ATP13A4: variants seen among roughly 807,000 people sequenced by gnomAD.
ATP13A4 encodes the protein ATPase 13A4.
Under a neutral mutation model 142.5 loss-of-function variants are expected in ATP13A4, and 114 were observed. The observed-to-expected ratio is 0.80, with a 90% confidence interval of 0.69 to 0.93. The LOEUF (loss-of-function observed/expected upper bound fraction) is 0.93, where lower values mean the gene tolerates loss of function less well. Among genes scored for constraint, ATP13A4 ranks in the 40% least tolerant of loss-of-function variants. The pLI is 0.00. For synonymous variants in ATP13A4, 488 were observed against 514.8 expected (o/e 0.95, Z 0.70); for missense variants, 1,392 against 1,454.0 (o/e 0.96, Z 0.69).
chr3:193,488,212 C>T (rs2108662236), intron 7 of ATP13A4, among the ~76,000 whole-genome samples: 1 of 152,174 alleles, frequency 6.6e-6, no homozygotes, highest in African/African-American at 2.4e-5. Context: ...TGCAGTGAGC[C>T]AAGATCACAC....
At chr3:193,486,662 T>C (rs1719640460) in intron 7 of ATP13A4, among the ~76,000 whole-genome samples, 1 of 152,118 alleles carries the variant, frequency 6.6e-6, no homozygotes, top group South Asian at 2.1e-4. Context: ...GATATTAAGG[T>C]GGGGATATCA....
intron 1 of ATP13A4, among the ~76,000 whole-genome samples, chr3:193,588,242 C>G (rs1337388114): frequency 1.3e-5 from 2 of 152,188 alleles, no homozygotes; most frequent in Non-Finnish European, 2.9e-5. Flanking sequence ...AAAGCTTCAC[C>G]TTTATAAAGA....
At chr3:193,407,128 A>T (rs1435824892) in intron 29 of ATP13A4, among the ~76,000 whole-genome samples, 185 bp downstream of exon 29, 2 of 152,172 alleles carry the variant, frequency 1.3e-5, no homozygotes, top group Non-Finnish European at 2.9e-5. Context: ...GACAGATGAG[A>T]AAACTAACGT....
At chr3:193,496,489 T>G (rs1428413787) in intron 3 of ATP13A4, among the ~76,000 whole-genome samples, 2 of 152,136 alleles carry the variant, frequency 1.3e-5, no homozygotes, top group Admixed American at 1.3e-4. Context: ...GTCTCCTTAA[T>G]AAACAATGCT....
intron 9 of ATP13A4, among the ~76,000 whole-genome samples, chr3:193,470,435 G>A (rs1718549848): frequency 6.6e-6 from 1 of 152,184 alleles, no homozygotes; most frequent in African/African-American, 2.4e-5. Flanking sequence ...GAATTTGGAT[G>A]ACCCCTGTGG....
intron 2 of ATP13A4, among the ~76,000 whole-genome samples, chr3:193,511,779 A>G (rs1358402554): frequency 1.3e-5 from 2 of 151,754 alleles, no homozygotes; most frequent in Non-Finnish European, 2.9e-5. Context: ...TCATTCTCAC[A>G]CTGCCCCATT....
Position 193,569,525 on chromosome 3 carries a change from G to A in ATP13A4, n.291+12182C>T, listed in dbSNP as rs924116638. Among the ~76,000 whole-genome samples the A allele has an allele frequency of 3.3e-5, 5 of 150,706 alleles. 1 individual carries two copies. Among genetic ancestry groups the A allele is most frequent in the Admixed American group, 3.3e-4 (5 of 15,162 alleles). The stretch of plus-strand genomic sequence containing the variant: ...GTTTTTGTTTTGGTTTGGTTTTTTT[G>A]TTGTTGTTTTTGTTTTTGTTTTTTG... On this transcript the variant is annotated intron_variant and non_coding_transcript_variant, in intron 2 of 3. Transcript: ENST00000489140.
chr3:193,552,809 C>T (rs576851447), intron 1 of ATP13A4, among the ~76,000 whole-genome samples: 1 of 152,294 alleles, frequency 6.6e-6, no homozygotes, highest in East Asian at 1.9e-4. Context: ...CTGTGTGCAT[C>T]AATTTCCTCA....
At chr3:193,589,119 G>A (rs1190438359) in intron 1 of ATP13A4, among the ~76,000 whole-genome samples, 3 of 152,078 alleles carry the variant, frequency 2.0e-5, no homozygotes, top group South Asian at 2.1e-4. Context: ...CAGCCTGGGC[G>A]ACAAAGTGAG....
chr3:193,531,339 G>GAA (rs1297422824), intron 1 of ATP13A4, among the ~76,000 whole-genome samples: 1 of 135,934 alleles, frequency 7.4e-6, no homozygotes, highest in Non-Finnish European at 1.6e-5. Flanking sequence ...AGGAAGGAAG[G>GAA]GAGGAAGAGA....
chr3:193,436,732 A>G (rs1461277772), intron 23 of ATP13A4, among the ~76,000 whole-genome samples: 2 of 147,868 alleles, frequency 1.4e-5, no homozygotes, highest in East Asian at 2.2e-4. Flanking sequence ...GATTACAGCC[A>G]TGAGCCACCA....
intron 10 of ATP13A4, 132 bp downstream of exon 10, chr3:193,467,184 C>T: frequency 1.1e-6 from 1 of 923,830 alleles, no homozygotes; most frequent in South Asian, 1.7e-5. Context: ...ACTATATACC[C>T]ACAAAAATTA....
At position 193,579,308 on chromosome 3, in the gene ATP13A4, TCTTGATGCCAC is replaced by T. The variant is rs1724479412; in HGVS notation, n.291+2388_291+2398del. 2.6e-5 allele frequency: 5 copies of T among 195,574 alleles called. No homozygotes were observed. The South Asian group carries it at 5.3e-4, about 21-fold the overall frequency. The allele number at this position is 195,574 out of a possible 1,614,324, so 12.1% of individuals were successfully genotyped here. A position where few individuals can be genotyped will look rare whatever the true frequency, so the allele number is the denominator to read the frequency against. ...CTTCTCAAATTTTTCAGTGGTTCTT[TCTTGATGCCAC>T]CACGTGTGTAGATTGGATGGCCAGT... On this transcript the variant is annotated intron_variant and non_coding_transcript_variant, in intron 2 of 3. Coordinates refer to the ATP13A4 transcript ENST00000489140.
At chr3:193,591,479 G>C (rs941685067) in intron 1 of ATP13A4, among the ~76,000 whole-genome samples, 1 of 152,176 alleles carries the variant, frequency 6.6e-6, no homozygotes, top group Non-Finnish European at 1.5e-5. Context: ...TGTATCTATG[G>C]GAGATCATTC....
At chr3:193,486,354 G>C (rs148891000) in intron 7 of ATP13A4, among the ~76,000 whole-genome samples, 35 of 152,314 alleles carry the variant, frequency 2.3e-4, no homozygotes, top group African/African-American at 8.4e-4. Flanking sequence ...ATGATGTATG[G>C]AGGCCAGATG....
chr3:193,457,068 C>G lies in ATP13A4; in HGVS notation c.1847G>C (p.Gly616Ala). ...QRMTVIVQEM[G>A]GDRLAFMKGA... ...TTTCATGAATGCCAGTCGGTCACCTCCCATCTCTTGGACAATGACTGTCAT... is the reference window on the plus strand; with the variant it reads ...TTTCATGAATGCCAGTCGGTCACCTGCCATCTCTTGGACAATGACTGTCAT... Residue 616 changes from glycine to alanine, a missense_variant, in exon 16 of 30, where the codon GGA (glycine) becomes GCA (alanine). By Grantham distance (60) the Gly-to-Ala change is moderately conservative (BLOSUM62 0). Transcript: ENST00000342695. The G allele has an allele frequency of 6.2e-7, 1 of 1,614,096 alleles. No individual in the cohort carries two copies. Among genetic ancestry groups the G allele is most frequent in the Non-Finnish European group, 8.5e-7 (1 of 1,180,042 alleles).
chr3:193,584,615 AT>A (rs150108003), intron 1 of ATP13A4, among the ~76,000 whole-genome samples: 98 of 148,738 alleles, frequency 6.6e-4, no homozygotes, highest in South Asian at 2.1e-3. Flanking sequence ...CTTTTCTTCT[AT>A]TTTTTTTTTT....
At chr3:193,500,351 T>G (rs1720473200) in intron 3 of ATP13A4, among the ~76,000 whole-genome samples, 1 of 152,154 alleles carries the variant, frequency 6.6e-6, no homozygotes, top group Admixed American at 6.5e-5. Context: ...AAGATGGTCC[T>G]TAGCATCTCC....
chr3:193,589,481 T>C (rs943901652), intron 1 of ATP13A4, among the ~76,000 whole-genome samples: 2 of 152,214 alleles, frequency 1.3e-5, no homozygotes, highest in African/African-American at 4.8e-5. Context: ...ATTTTAAACA[T>C]TTCCATTTCC....
Sources: allele counts gnomAD v4.1 joint callset (sites outside exome capture counted in the v4.1 genomes callset), GRCh38; gene constraint gnomAD v4.1.1; transcripts MANE v1.5; gene names NCBI Gene and HGNC (gene_info 2026-07-23, HGNC 2026-07-21).